FRMPD4: variants seen among roughly 807,000 people sequenced by gnomAD.
FRMPD4 encodes FERM and PDZ domain containing 4, also known as FERM and PDZ domain-containing protein 4.
A neutral mutation model predicts 94.1 loss-of-function variants in FRMPD4; 22 were observed. That is an observed-to-expected ratio of 0.23 (90% CI 0.17 to 0.33). The LOEUF is 0.33. Ranked by LOEUF, FRMPD4 falls within the 10% of genes least tolerant of loss-of-function variation. FRMPD4 has a pLI of 1.00. For missense variants in FRMPD4, 1,111 were observed against 1,339.9 expected (o/e 0.83, Z 2.67); for synonymous variants, 631 against 548.6 (o/e 1.15, Z -2.10).
intron 1 of FRMPD4, among the ~76,000 whole-genome samples, chrX:12,290,152 T>G (rs2054663619): frequency 1.8e-5 from 2 of 111,076 alleles, no homozygotes; most frequent in South Asian, 3.9e-4. Context: ...GGAAAACAAG[T>G]GGATTTCTGT....
At chrX:12,558,692 C>T (rs2058621602) in intron 2 of FRMPD4, among the ~76,000 whole-genome samples, 1 of 111,578 alleles carries the variant, frequency 9.0e-6, no homozygotes, top group South Asian at 3.8e-4. Flanking sequence ...TAAGCAAAAG[C>T]AGTATCTTTC....
At chrX:12,437,331 TACACACACACACAA>T (rs1194204246) in intron 1 of FRMPD4, among the ~76,000 whole-genome samples, 6 of 111,425 alleles carry the variant, frequency 5.4e-5, no homozygotes, top group Admixed American at 2.9e-4. Flanking sequence ...TCCAATTTAT[TACACACACACACAA>T]ACACACACAC....
At chrX:12,258,431 A>G (rs1296844512) in intron 1 of FRMPD4, among the ~76,000 whole-genome samples, 5 of 111,206 alleles carry the variant, frequency 4.5e-5, no homozygotes, top group Non-Finnish European at 9.4e-5. Context: ...GCCTTCCACC[A>G]TGTTATGACA....
At chrX:11,844,992 C>T (rs942017489) in intron 1 of FRMPD4, among the ~76,000 whole-genome samples, 3 of 111,687 alleles carry the variant, frequency 2.7e-5, no homozygotes, top group East Asian at 2.8e-4. Context: ...TGTGCCCGTC[C>T]GATGAAATTT....
intron 1 of FRMPD4, among the ~76,000 whole-genome samples, chrX:11,862,163 A>G (rs1446207389): frequency 9.0e-6 from 1 of 111,213 alleles, no homozygotes; most frequent in Non-Finnish European, 1.9e-5. Context: ...GGGGGTTATA[A>G]TTTGACATGA....
At chrX:11,988,084 C>A (rs1027306490) in intron 3 of FRMPD4, among the ~76,000 whole-genome samples, 3 of 110,612 alleles carry the variant, frequency 2.7e-5, no homozygotes, top group Non-Finnish European at 3.8e-5. Flanking sequence ...TAGAAAAAAA[C>A]AACCCTAACA....
intron 1 of FRMPD4, among the ~76,000 whole-genome samples, chrX:12,437,478 G>A (rs1224732050): frequency 9.1e-6 from 1 of 109,568 alleles, no homozygotes; most frequent in Non-Finnish European, 1.9e-5. Context: ...CAGTTAGGCT[G>A]GGATAGTCCT....
intron 1 of FRMPD4, among the ~76,000 whole-genome samples, chrX:12,151,108 T>C (rs1015833580): frequency 4.5e-5 from 5 of 111,715 alleles, no homozygotes; most frequent in African/African-American, 1.6e-4. Flanking sequence ...AATTAAAATA[T>C]AGCACTACCT....
chrX:12,304,776 A>G (rs1009892847), intron 1 of FRMPD4, among the ~76,000 whole-genome samples: 3 of 112,122 alleles, frequency 2.7e-5, no homozygotes, highest in Non-Finnish European at 3.8e-5. Flanking sequence ...TAAAATATAG[A>G]TGCCTGGTGC....
chrX:11,919,638 G>A (rs1274434471), intron 3 of FRMPD4, among the ~76,000 whole-genome samples: 1 of 111,324 alleles, frequency 9.0e-6, no homozygotes, highest in Non-Finnish European at 1.9e-5. Context: ...ATAAGTTTTT[G>A]GGAAAAAGGC....
intron 1 of FRMPD4, among the ~76,000 whole-genome samples, chrX:12,293,593 TA>T (rs780138208): frequency 5.9e-4 from 67 of 112,902 alleles, no homozygotes; most frequent in Non-Finnish European, 1.1e-3. Flanking sequence ...GAACTAATAT[TA>T]GGTAATTTTG....
intron 2 of FRMPD4, among the ~76,000 whole-genome samples, chrX:12,583,118 G>A (rs1201718861): frequency 2.7e-5 from 3 of 112,002 alleles, no homozygotes; most frequent in Non-Finnish European, 5.6e-5. Context: ...CTTTGACCCT[G>A]GCATCTGCCA....
At chrX:12,720,092 G>C (rs754311121) in intron 16 of FRMPD4, among the ~76,000 whole-genome samples, 1 of 110,226 alleles carries the variant, frequency 9.1e-6, no homozygotes, top group East Asian at 2.8e-4. Context: ...GAGAAAGAAA[G>C]AAAGGAGGAA....
intron 1 of FRMPD4, among the ~76,000 whole-genome samples, chrX:11,864,595 G>T (rs1320381676): frequency 1.8e-5 from 2 of 111,707 alleles, no homozygotes; most frequent in Non-Finnish European, 3.8e-5. Flanking sequence ...GACTTTATAT[G>T]CAAAGCTATC....
intron 3 of FRMPD4, among the ~76,000 whole-genome samples, chrX:12,004,691 CTTT>C: frequency 1.0e-5 from 1 of 98,895 alleles, no homozygotes. Flanking sequence ...GTCTGCTGAC[CTTT>C]TTTTTTTTTT....
chrX:12,184,432 T>C (rs2056398719), intron 1 of FRMPD4, among the ~76,000 whole-genome samples: 1 of 111,683 alleles, frequency 9.0e-6, no homozygotes, highest in Admixed American at 9.5e-5. Flanking sequence ...ATAAATACCC[T>C]CACTACATGC....
At chrX:12,200,510 T>G (rs2056618781) in intron 1 of FRMPD4, among the ~76,000 whole-genome samples, 1 of 111,364 alleles carries the variant, frequency 9.0e-6, no homozygotes, top group African/African-American at 3.3e-5. Context: ...ATTTTTATTA[T>G]TTTTGCAGAG....
At chrX:12,598,182 G>A (rs1460632510) in intron 2 of FRMPD4, among the ~76,000 whole-genome samples, 3 of 111,131 alleles carry the variant, frequency 2.7e-5, no homozygotes, top group Non-Finnish European at 3.8e-5. Context: ...TTTTTCACTG[G>A]AAGCCAGGAA....
intron 2 of FRMPD4, among the ~76,000 whole-genome samples, chrX:12,555,450 T>C (rs2058586057): frequency 9.0e-6 from 1 of 111,712 alleles, no homozygotes; most frequent in Admixed American, 9.5e-5. Flanking sequence ...ACTCTTTCTT[T>C]TACTGTTATT....
Sources: allele counts gnomAD v4.1 joint callset (sites outside exome capture counted in the v4.1 genomes callset), GRCh38; gene constraint gnomAD v4.1.1; transcripts MANE v1.5; gene names NCBI Gene and HGNC (gene_info 2026-07-23, HGNC 2026-07-21).